The following FAM135B variants were observed in gnomAD, a reference collection of about 807,000 sequenced individuals.
The protein encoded by FAM135B is family with sequence similarity 135 member B.
FAM135B carries 43 observed loss-of-function variants against 127.7 expected under a neutral mutation model. The ratio of observed to expected loss-of-function variants is 0.34; its 90% CI spans 0.26 to 0.43. The LOEUF (loss-of-function observed/expected upper bound fraction) is 0.43. Among genes scored for constraint, FAM135B ranks in the 20% least tolerant of loss-of-function variants. The probability of loss-of-function intolerance (pLI) is 1.00; values close to 1 mark genes in which losing one functional copy is unlikely to be tolerated. For synonymous variants in FAM135B, 670 were observed against 665.1 expected (o/e 1.01, Z -0.11); for missense variants, 1,558 against 1,725.6 (o/e 0.90, Z 1.72).
chr8:138,330,789 T>G (rs1037029710), intron 2 of FAM135B, among the ~76,000 whole-genome samples: 12 of 152,144 alleles, frequency 7.9e-5, no homozygotes, highest in Admixed American at 2.6e-4. Flanking sequence ...GGTCCCACAT[T>G]TCAGGCAATC....
rs578099303 is a variant in FAM135B, at chr8:138,133,916, G to A, written c.4016-1118C>T. Among the ~76,000 whole-genome samples, 16 of 152,138 alleles carry A rather than the reference G, an allele frequency of 1.1e-4. No homozygotes were observed. In the South Asian group the frequency reaches 2.9e-3, roughly 28 times the overall value. ...TTAGGGTCTTGGTAGGAGCTTTGACGTAAAGGGAATTGTAACGTGAAATTG... is the reference window on the plus strand; with the variant it reads ...TTAGGGTCTTGGTAGGAGCTTTGACATAAAGGGAATTGTAACGTGAAATTG... On this transcript the variant is annotated intron_variant, in intron 19 of 19. Transcript: ENST00000395297.
intron 12 of FAM135B, among the ~76,000 whole-genome samples, chr8:138,161,358 CCTCTTT>C (rs1456610470): frequency 2.0e-5 from 3 of 150,092 alleles, no homozygotes; most frequent in East Asian, 4.0e-4. Flanking sequence ...CTTCTCTCTC[CCTCTTT>C]CTCTTTCTCT....
chr8:138,408,837 C>T (rs112640865), intron 1 of FAM135B, among the ~76,000 whole-genome samples: 4,774 of 152,186 alleles, frequency 0.031, 81 homozygotes, highest in Middle Eastern at 0.075. Context: ...TCTCTTGACA[C>T]GTGGGGTTAC....
Position 138,274,828 on chromosome 8 carries a change from G to A in FAM135B, c.158-8986C>T, listed in dbSNP as rs187152024. ...GATCTGTTCCACCCGGCTCACCGGC[G>A]GTCAGAGTTTAAGGTTATCTCTCTT... On this transcript the variant is annotated intron_variant, in intron 3 of 19. Coordinates refer to ENST00000395297, the MANE Select transcript of FAM135B (RefSeq NM_015912.4). Among the ~76,000 whole-genome samples, 266 of 152,178 alleles carry A rather than the reference G, an allele frequency of 1.7e-3. 1 individual carries two copies. The highest frequency in any genetic ancestry group is 2.2e-3 in the Non-Finnish European group (149 of 68,014).
chr8:138,170,217 CTTT>C (rs141401317), intron 11 of FAM135B, among the ~76,000 whole-genome samples: 1,318 of 111,992 alleles, frequency 0.012, 5 homozygotes, highest in South Asian at 0.018. Flanking sequence ...CTGTTACTAT[CTTT>C]TTTTTTTTTT....
chr8:138,362,960 G>A (rs1431242349), intron 2 of FAM135B, among the ~76,000 whole-genome samples: 1 of 152,160 alleles, frequency 6.6e-6, no homozygotes, highest in Admixed American at 6.5e-5. Flanking sequence ...TAGGAATATG[G>A]AAAAGCTACG....
At chr8:138,277,595 C>T (rs1338462915) in intron 3 of FAM135B, among the ~76,000 whole-genome samples, 1 of 152,184 alleles carries the variant, frequency 6.6e-6, no homozygotes, top group Non-Finnish European at 1.5e-5. Context: ...CTCGAGTCAA[C>T]AATTGGACCA....
chr8:138,400,327 C>T (rs1358013548), intron 1 of FAM135B, among the ~76,000 whole-genome samples: 1 of 152,146 alleles, frequency 6.6e-6, no homozygotes, highest in Non-Finnish European at 1.5e-5. Context: ...TCTAGAATGA[C>T]CTGCTACCAA....
chr8:138,229,168 T>C (rs376062314), intron 7 of FAM135B, among the ~76,000 whole-genome samples: 2 of 152,152 alleles, frequency 1.3e-5, no homozygotes, highest in East Asian at 1.9e-4. Flanking sequence ...TAAGGAGTTT[T>C]ATGAGGTTTA....
intron 1 of FAM135B, among the ~76,000 whole-genome samples, chr8:138,396,858 G>A (rs558130263): frequency 1.5e-4 from 23 of 152,264 alleles, no homozygotes; most frequent in Non-Finnish European, 3.1e-4. Context: ...CCTATCCCCA[G>A]ACAGCACCTG....
At chr8:138,483,930 A>T (rs2131684714) in intron 1 of FAM135B, among the ~76,000 whole-genome samples, 1 of 152,356 alleles carries the variant, frequency 6.6e-6, no homozygotes, top group Admixed American at 6.5e-5. Context: ...GAATAAAAAT[A>T]TCTAGGGGGA....
chr8:138,430,160 G>T (rs1330013316), intron 1 of FAM135B, among the ~76,000 whole-genome samples: 1 of 152,040 alleles, frequency 6.6e-6, no homozygotes, highest in Non-Finnish European at 1.5e-5. Flanking sequence ...GATCCTTCAG[G>T]AAGCTTACTC....
At position 138,197,117 on chromosome 8, in the gene FAM135B, GTATA is replaced by G. The variant is rs147195526; in HGVS notation, c.823+395_823+398del. On this transcript the variant is annotated intron_variant, in intron 8 of 19. Transcript: ENST00000395297. ...TGTGTGTGTGTGTGTGTGTGTGTGT[GTATA>G]TATATAGTTTTTATGAGGATTGTTT... Among the ~76,000 whole-genome samples the G allele has an allele frequency of 4.4e-3, 182 of 41,676 alleles. 4 individuals are homozygous for G. In the South Asian group the frequency reaches 0.15, roughly 34 times the overall value. 27.3% of individuals were successfully genotyped at this position (41,676 alleles called of 152,430 possible). A position where few individuals can be genotyped will look rare whatever the true frequency, so the allele number is the denominator to read the frequency against.
chr8:138,152,557 G>A lies in FAM135B; in HGVS notation c.1918C>T (p.Pro640Ser). 1 of 1,614,178 alleles carries A rather than the reference G, an allele frequency of 6.2e-7. No individual in the cohort carries two copies. The highest frequency in any genetic ancestry group is 8.5e-7 in the Non-Finnish European group (1 of 1,180,024). Residue 640 changes from proline (P) to serine (S), a missense_variant, in exon 13 of 20, where the codon CCC (proline) becomes TCC (serine). By Grantham distance (74) the Pro-to-Ser change is moderately conservative (BLOSUM62 -1). This residue lies in a region of FAM135B where 923 missense variants were observed against 865.3 expected (regional missense o/e 1.07). Coordinates refer to ENST00000395297, the MANE Select transcript of FAM135B (RefSeq NM_015912.4). ...LLSLKLTPSE[P>S]CDPLSSTLRE... ...AGGGTAGAACTTAGTGGATCACAGG[G>A]CTCAGAGGGGGTGAGTTTCAAGCTT... is the stretch of plus-strand genomic sequence containing the variant.
chr8:138,176,532 T>G (rs954723557), intron 11 of FAM135B, among the ~76,000 whole-genome samples: 1 of 152,220 alleles, frequency 6.6e-6, no homozygotes. Context: ...ACCCCCTTAC[T>G]TGCAGAATCC....
rs117374348 is a variant in FAM135B at position 138,383,385 on chromosome 8, C to T, written c.-19-15383G>A. Among the ~76,000 whole-genome samples, 177 of 152,258 alleles carry T rather than the reference C, an allele frequency of 1.2e-3. 1 individual carries two copies. In the East Asian group the frequency reaches 0.017, roughly 15 times the overall value. On this transcript the variant is annotated intron_variant, in intron 1 of 19. Transcript: ENST00000395297. ...CACATATCTAGCAGGGAAAGGTTAGCGATTAAGGATACCTAAGTGCCATCT... is the reference window on the plus strand; with the variant it reads ...CACATATCTAGCAGGGAAAGGTTAGTGATTAAGGATACCTAAGTGCCATCT...
Position 138,147,780 on chromosome 8 carries a change from A to G in FAM135B, c.3448+740T>C, listed in dbSNP as rs550274495. ...TCCTCATCTTTCACATGCATGATGG[A>G]AAAAAAAATTGCCTATAACCTGATC... On this transcript the variant is annotated intron_variant, in intron 14 of 19. Transcript: ENST00000395297. Among the ~76,000 whole-genome samples, 6 of 100,254 alleles carry G rather than the reference A, an allele frequency of 6.0e-5. 1 individual carries two copies. The South Asian group carries it at 2.1e-3, about 35-fold the overall frequency. 65.8% of individuals were successfully genotyped at this position (100,254 alleles called of 152,430 possible).
intron 6 of FAM135B, among the ~76,000 whole-genome samples, chr8:138,246,979 T>C (rs566248983): frequency 1.1e-3 from 166 of 152,364 alleles, no homozygotes; most frequent in Non-Finnish European, 1.8e-3. Flanking sequence ...TATTAGATTT[T>C]GGACTTGCAT....
chr8:138,167,653 G>T (rs545592644), intron 12 of FAM135B, among the ~76,000 whole-genome samples: 2 of 152,178 alleles, frequency 1.3e-5, no homozygotes, highest in African/African-American at 4.8e-5. Flanking sequence ...GAAGCACTAC[G>T]TATAATTCCA....
Sources: gnomAD v4.1 joint callset for allele counts (sites outside exome capture counted in the v4.1 genomes callset) on GRCh38, gnomAD v4.1.1 for gene constraint, gnomAD v4.1.1 regional missense constraint, MANE v1.5 for transcripts, NCBI Gene and HGNC (gene_info 2026-07-23, HGNC 2026-07-21) for gene names.